PDE7B: variants seen among roughly 807,000 people sequenced by gnomAD.
The protein encoded by PDE7B is phosphodiesterase 7B.
In PDE7B, 29 loss-of-function variants were observed where a neutral mutation model predicts 56.2. The ratio of observed to expected loss-of-function variants is 0.52; its 90% CI spans 0.38 to 0.70. PDE7B has a LOEUF of 0.70. PDE7B is among the 30% of genes least tolerant of loss of function. The pLI, the probability that PDE7B is intolerant of heterozygous loss-of-function variation, is 0.00. For synonymous variants in PDE7B, 197 were observed against 196.9 expected, an observed-to-expected ratio of 1.00 and a Z score of 0.00; for missense variants, 490 against 565.0, an observed-to-expected ratio of 0.87 and a Z score of 1.35.
chr6:136,154,363 A>G (rs1387436348), intron 7 of PDE7B, among the ~76,000 whole-genome samples, 188 bp downstream of exon 7: 1 of 150,394 alleles, frequency 6.6e-6, no homozygotes, highest in Non-Finnish European at 1.5e-5. Context: ...AAAGGATGAG[A>G]CTCATCTGAG....
intron 8 of PDE7B, 101 bp downstream of exon 8, chr6:136,155,859 T>A: frequency 8.0e-7 from 1 of 1,243,934 alleles, no homozygotes. Context: ...TGTTTTAGGG[T>A]CCTAGAAGTT....
At chr6:136,181,463 C>G in intron 11 of PDE7B, 140 bp downstream of exon 11, 1 of 616,668 alleles carries the variant, frequency 1.6e-6, no homozygotes, top group South Asian at 2.0e-5. Flanking sequence ...CTCTTTTACT[C>G]TCTTGGAACT....
chr6:135,860,448 T>C (rs988284569), intron 1 of PDE7B, among the ~76,000 whole-genome samples: 1 of 152,070 alleles, frequency 6.6e-6, no homozygotes, highest in Non-Finnish European at 1.5e-5. Flanking sequence ...TGGATTTAAA[T>C]TGATTAAATG....
At chr6:136,081,604 G>A (rs1777207265) in intron 2 of PDE7B, among the ~76,000 whole-genome samples, 1 of 152,178 alleles carries the variant, frequency 6.6e-6, no homozygotes, top group African/African-American at 2.4e-5. Context: ...TCTCGCATTA[G>A]TGTTCTGTTT....
intron 1 of PDE7B, among the ~76,000 whole-genome samples, chr6:135,928,503 A>ATTTATATATT (rs367573812): frequency 9.7e-6 from 1 of 102,822 alleles, no homozygotes; most frequent in Non-Finnish European, 1.9e-5. Flanking sequence ...ATATATATTT[A>ATTTATATATT]TATATATATA....
chr6:135,947,850 A>G (rs1774619089), intron 2 of PDE7B, among the ~76,000 whole-genome samples: 1 of 152,066 alleles, frequency 6.6e-6, no homozygotes, highest in Non-Finnish European at 1.5e-5. Context: ...TTCCTAAACC[A>G]AAGATGGATG....
intron 2 of PDE7B, among the ~76,000 whole-genome samples, chr6:136,076,300 C>G (rs1408206871): frequency 1.3e-5 from 2 of 152,076 alleles, no homozygotes; most frequent in African/African-American, 2.4e-5. Flanking sequence ...TGGTGAAACC[C>G]CGTCTCTACT....
intron 1 of PDE7B, among the ~76,000 whole-genome samples, chr6:135,921,847 A>C (rs929032533): frequency 1.3e-5 from 2 of 152,004 alleles, no homozygotes; most frequent in African/African-American, 4.8e-5. Context: ...CCTTTCTACT[A>C]TAAAAAAATA....
intron 2 of PDE7B, among the ~76,000 whole-genome samples, chr6:136,061,301 C>T (rs1281332858): frequency 6.6e-6 from 1 of 152,094 alleles, no homozygotes; most frequent in Non-Finnish European, 1.5e-5. Context: ...CACACCGTTA[C>T]ATTTAGTTGA....
At chr6:136,159,435 T>C (rs1305417023) in intron 8 of PDE7B, among the ~76,000 whole-genome samples, 1 of 152,170 alleles carries the variant, frequency 6.6e-6, no homozygotes, top group Non-Finnish European at 1.5e-5. Context: ...GCATCCCCGC[T>C]CCCTTCTCTC....
At chr6:136,029,296 G>GA (rs1303687877) in intron 2 of PDE7B, among the ~76,000 whole-genome samples, 3 of 150,582 alleles carry the variant, frequency 2.0e-5, no homozygotes, top group African/African-American at 4.9e-5. Context: ...TTGAAAGCAG[G>GA]AAAAAAAAAG....
intron 1 of PDE7B, among the ~76,000 whole-genome samples, chr6:135,917,507 T>C (rs541654299): frequency 6.6e-6 from 1 of 152,300 alleles, no homozygotes; most frequent in South Asian, 2.1e-4. Context: ...TTATATTTCT[T>C]TGGAATCCTT....
At chr6:136,008,672 G>A (rs1004467073) in intron 2 of PDE7B, among the ~76,000 whole-genome samples, 11 of 152,100 alleles carry the variant, frequency 7.2e-5, no homozygotes, top group South Asian at 2.1e-4. Flanking sequence ...CCCACTTTTC[G>A]ATGGGGTTGT....
At chr6:135,995,500 C>G (rs540289959) in intron 2 of PDE7B, among the ~76,000 whole-genome samples, 1 of 152,024 alleles carries the variant, frequency 6.6e-6, no homozygotes, top group Admixed American at 6.6e-5. Context: ...GAGTATGAGT[C>G]GATTCAGGGG....
chr6:136,071,556 T>C (rs1777050838), intron 2 of PDE7B, among the ~76,000 whole-genome samples: 1 of 152,242 alleles, frequency 6.6e-6, no homozygotes, highest in African/African-American at 2.4e-5. Flanking sequence ...AGATAGTTCA[T>C]TTCACCATTA....
chr6:136,067,210 C>T (rs1776956231), intron 2 of PDE7B, among the ~76,000 whole-genome samples: 1 of 152,152 alleles, frequency 6.6e-6, no homozygotes, highest in South Asian at 2.1e-4. Flanking sequence ...TATCTTTCTC[C>T]TTCATTCACA....
intron 3 of PDE7B, among the ~76,000 whole-genome samples, chr6:136,145,703 G>T (rs374557183): frequency 7.2e-5 from 11 of 152,252 alleles, no homozygotes; most frequent in Admixed American, 5.2e-4. Context: ...TCTAGGAAAT[G>T]ATGCTCTCTT....
chr6:136,003,137 T>A (rs1775705904), intron 2 of PDE7B, among the ~76,000 whole-genome samples: 1 of 152,174 alleles, frequency 6.6e-6, no homozygotes, highest in Non-Finnish European at 1.5e-5. Context: ...GAAATAAAGA[T>A]GTCCTTTGAA....
chr6:135,895,394 T>C (rs1775881094), intron 1 of PDE7B, among the ~76,000 whole-genome samples: 1 of 152,126 alleles, frequency 6.6e-6, no homozygotes, highest in Non-Finnish European at 1.5e-5. Context: ...TGTGATAACC[T>C]GGAACGGGGA....
Sources: allele counts gnomAD v4.1 joint callset (sites outside exome capture counted in the v4.1 genomes callset), GRCh38; gene constraint gnomAD v4.1.1; transcripts MANE v1.5; gene names NCBI Gene and HGNC (gene_info 2026-07-23, HGNC 2026-07-21).